The following DSC2 variants were observed in gnomAD, a reference collection of about 807,000 sequenced individuals.
DSC2 encodes the protein desmocollin-2.
DSC2 carries 51 observed loss-of-function variants against 87.6 expected under a neutral mutation model. That is an observed-to-expected ratio of 0.58 (90% CI 0.46 to 0.74). The LOEUF is 0.74. DSC2 is among the 30% of genes least tolerant of loss of function. The pLI is 0.00. For synonymous variants in DSC2, 383 were observed against 393.2 expected (o/e 0.97, Z 0.31); for missense variants, 1,066 against 1,089.5 (o/e 0.98, Z 0.30).
intron 9 of DSC2, 100 bp from the exon 10 acceptor site, chr18:31,080,452 C>A: frequency 7.1e-7 from 1 of 1,405,702 alleles, no homozygotes. Flanking sequence ...TGTTAAGTGT[C>A]ATGTTGGGAA....
At position 31,087,729 on chromosome 18, in the gene DSC2, TATC is replaced by T. The variant is rs765560490; in HGVS notation, c.712_714del (p.Asp238del). On this transcript the variant is annotated inframe_deletion, in exon 6 of 16. Transcript: ENST00000280904. ...GTTTCTTCTGTAAAAATTGGGTAGT[TATC>T]ATTTTCATCCTCTATTTTGATTATT... is the stretch of plus-strand genomic sequence containing the variant. The T allele has an allele frequency of 3.1e-6, 5 of 1,613,926 alleles. No homozygotes were observed. The highest frequency in any genetic ancestry group is 3.4e-6 in the Non-Finnish European group (4 of 1,179,906).
chr18:31,091,603 T>C lies in DSC2; in HGVS notation c.355-456A>G, dbSNP rs746667444. The C allele has an allele frequency of 8.5e-5, 39 of 458,650 alleles. 2 individuals are homozygous for C. Among genetic ancestry groups the C allele is most frequent in the South Asian group, 5.4e-4 (35 of 64,594 alleles). The allele number at this position is 458,650 out of a possible 1,614,324, so 28.4% of individuals were successfully genotyped here. A position where few individuals can be genotyped will look rare whatever the true frequency, so the allele number is the denominator to read the frequency against. ...ATGAGGAGAGAAACACGGTGACAACTCTCAAACTGCTGCAGTGAGGAATGG... is the reference window on the plus strand; with the variant it reads ...ATGAGGAGAGAAACACGGTGACAACCCTCAAACTGCTGCAGTGAGGAATGG... On this transcript the variant is annotated intron_variant, in intron 3 of 15. Coordinates refer to ENST00000280904, the MANE Select transcript of DSC2 (RefSeq NM_024422.6).
At chr18:31,070,933 T>C (rs906398422) in intron 13 of DSC2, 83 bp from the exon 14 acceptor site, 1 of 1,495,112 alleles carries the variant, frequency 6.7e-7, no homozygotes, top group East Asian at 2.4e-5. Context: ...CACACATAAA[T>C]CATAAACTTA....
intron 12 of DSC2, 139 bp downstream of exon 12, chr18:31,074,544 A>C (rs1443804157): frequency 1.3e-6 from 1 of 789,780 alleles, no homozygotes; most frequent in Non-Finnish European, 2.1e-6. Flanking sequence ...AGAGAGACCT[A>C]CTCCCAACAC....
At chr18:31,087,242 T>C (rs1813105484) in intron 6 of DSC2, among the ~76,000 whole-genome samples, 1 of 152,218 alleles carries the variant, frequency 6.6e-6, no homozygotes, top group Non-Finnish European at 1.5e-5. Context: ...CCCAGAATAC[T>C]GGCAATCACA....
rs1399088439 is a variant in DSC2, at chr18:31,062,998, C to A, written c.*5017G>T. The A allele has an allele frequency of 6.6e-6, 1 of 152,074 alleles. No homozygotes were observed. The highest frequency in any genetic ancestry group is 2.4e-5 in the African/African-American group (1 of 41,414). The allele number at this position is 152,074 out of a possible 1,614,324, so 9.4% of individuals were successfully genotyped here. ...ATAAAAAACCTAACTTTTATTATTT[C>A]TCTTTTTTCCTTTATGACCTGGGCA... is the stretch of plus-strand genomic sequence containing the variant. On this transcript the variant is annotated 3_prime_UTR_variant, in exon 16 of 16. Transcript: ENST00000280904.
Position 31,070,723 on chromosome 18 carries a change from T to C in DSC2, c.2250+3A>G, listed in dbSNP as rs1555637433. 6.2e-7 allele frequency: 1 copy of C among 1,613,748 alleles called. No homozygotes were observed. Among genetic ancestry groups the C allele is most frequent in the Non-Finnish European group, 8.5e-7 (1 of 1,179,736 alleles). ...TATTTATTTAAAAAGCCAGACTACT[T>C]ACCACTTTGTCATCTCCAGGAGCTT... On this transcript the variant is annotated splice_donor_region_variant and intron_variant, in intron 14 of 15. Transcript: ENST00000280904.
chr18:31,092,166 A>C lies in DSC2; in HGVS notation c.289T>G (p.Leu97Val). Residue 97 changes from leucine (L) to valine (V), a missense_variant, in exon 3 of 16, where the codon TTA becomes GTA. Physicochemically the swap from Leu to Val is conservative, Grantham distance 32. Coordinates refer to ENST00000280904, the MANE Select transcript of DSC2 (RefSeq NM_024422.6). ...TCTTGGTTCTCAGTGTTGGAAAGTA[A>C]TATGGTAAAACTTCTCTTCTCCGAG... ...LSSEKRSFTI[L>V]LSNTENQEKK... 6.2e-7 allele frequency: 1 copy of C among 1,613,622 alleles called. No homozygotes were observed. The highest frequency in any genetic ancestry group is 1.1e-5 in the South Asian group (1 of 91,036).
chr18:31,099,592 T>TA (rs899840966), intron 1 of DSC2, among the ~76,000 whole-genome samples: 22 of 147,590 alleles, frequency 1.5e-4, no homozygotes, highest in Middle Eastern at 7.0e-3. Context: ...TCAGAAAGAT[T>TA]AAAAAAAAAG....
chr18:31,092,211 T>C lies in DSC2; in HGVS notation c.244A>G (p.Thr82Ala). Residue 82 changes from threonine (T) to alanine (A), a missense_variant, in exon 3 of 16, where the codon ACA becomes GCA. Coordinates refer to ENST00000280904, the MANE Select transcript of DSC2 (RefSeq NM_024422.6). ...QILEDGSVYT[T>A]NTILLSSEKR... ...TCCGAGGACAATAGAATAGTATTTGTTGTATAGACTGAACCATCCTCCAAA... is the reference window on the plus strand; with the variant it reads ...TCCGAGGACAATAGAATAGTATTTGCTGTATAGACTGAACCATCCTCCAAA... The C allele has an allele frequency of 1.9e-6, 3 of 1,613,822 alleles. No individual in the cohort carries two copies. Among genetic ancestry groups the C allele is most frequent in the Non-Finnish European group, 8.5e-7 (1 of 1,179,820 alleles).
chr18:31,068,173 C>A lies in DSC2; in HGVS notation c.2548G>T (p.Ala850Ser), dbSNP rs868135134. The change falls in exon 16 of 16, where the codon GCC (alanine) becomes TCC (serine). Residue 850 changes from alanine to serine, a missense_variant. By Grantham distance (99) the Ala-to-Ser change is moderately conservative (BLOSUM62 1). Transcript: ENST00000280904. Reference protein sequence around the residue: ...LCNQDENHKHAQDYVLTYNYE... With the variant: ...LCNQDENHKHSQDYVLTYNYE... ...TTATATGTCAGGACATAGTCTTGGG[C>A]ATGCTTGTGATTTTCATCTTGATTA... 7 of 1,613,982 alleles carry A rather than the reference C, an allele frequency of 4.3e-6. No individual in the cohort carries two copies. Among genetic ancestry groups the A allele is most frequent in the Non-Finnish European group, 5.9e-6 (7 of 1,180,002 alleles).
chr18:31,096,799 T>C (rs1987773770), intron 1 of DSC2, among the ~76,000 whole-genome samples: 1 of 152,186 alleles, frequency 6.6e-6, no homozygotes, highest in African/African-American at 2.4e-5. Context: ...CCAAGGTCAC[T>C]ATATGTAGTT....
chr18:31,092,003 A>G, intron 3 of DSC2, 98 bp downstream of exon 3: 1 of 1,335,278 alleles, frequency 7.5e-7, no homozygotes, highest in Non-Finnish European at 1.0e-6. Context: ...CTTTAAGCCA[A>G]ACTATACCAT....
At chr18:31,101,137 C>G in intron 1 of DSC2, 3 of 972,286 alleles carry the variant, frequency 3.1e-6, no homozygotes, top group Non-Finnish European at 3.7e-6. Context: ...GACAAGAAAT[C>G]AGAAAGACCC....
intron 1 of DSC2, among the ~76,000 whole-genome samples, chr18:31,096,870 AT>A (rs1279467306): frequency 5.9e-5 from 9 of 152,256 alleles, no homozygotes; most frequent in Admixed American, 2.6e-4. Flanking sequence ...TGTAAAAAAA[AT>A]CTCTGCATTT....
chr18:31,063,335 A>G lies in DSC2; in HGVS notation c.*4680T>C. On this transcript the variant is annotated 3_prime_UTR_variant, in exon 16 of 16. Coordinates refer to ENST00000280904, the MANE Select transcript of DSC2 (RefSeq NM_024422.6). Reference sequence around the variant, plus strand: ...GACAGAGTGAGATTCCGTCTCAAAAAAAAAAAAAAAAAAATTAATGGCCAG... The same window carrying G: ...GACAGAGTGAGATTCCGTCTCAAAAGAAAAAAAAAAAAAATTAATGGCCAG... 6.6e-6 allele frequency: 1 copy of G among 152,062 alleles called. No homozygotes were observed. The highest frequency in any genetic ancestry group is 2.4e-5 in the African/African-American group (1 of 41,386). The allele number at this position is 152,062 out of a possible 1,614,324, so 9.4% of individuals were successfully genotyped here. A position where few individuals can be genotyped will look rare whatever the true frequency, so the allele number is the denominator to read the frequency against.
intron 11 of DSC2, among the ~76,000 whole-genome samples, chr18:31,075,135 A>T (rs1986973655): frequency 6.6e-6 from 1 of 152,180 alleles, no homozygotes; most frequent in Admixed American, 6.5e-5. Context: ...CATTCGCTAA[A>T]TTATTATTAG....
At chr18:31,071,944 T>A in intron 12 of DSC2, 103 bp from the exon 13 acceptor site, 1 of 1,047,502 alleles carries the variant, frequency 9.5e-7, no homozygotes, top group Non-Finnish European at 1.4e-6. Context: ...TAGAAACAGA[T>A]ATTCCTGATG....
intron 6 of DSC2, 42 bp from the exon 7 acceptor site, chr18:31,086,784 T>C (rs746085107): frequency 6.3e-6 from 10 of 1,586,762 alleles, no homozygotes; most frequent in African/African-American, 4.0e-5. Flanking sequence ...AACATTCACA[T>C]GTTCTATGTT....
Sources: gnomAD v4.1 joint callset for allele counts (sites outside exome capture counted in the v4.1 genomes callset) on GRCh38, gnomAD v4.1.1 for gene constraint, MANE v1.5 for transcripts, NCBI Gene and HGNC (gene_info 2026-07-23, HGNC 2026-07-21) for gene names.